The following INTS4 variants were observed in gnomAD, a reference collection of about 807,000 sequenced individuals.
INTS4 encodes the protein MSTP093.
INTS4 carries 70 observed loss-of-function variants against 119.5 expected under a neutral mutation model. That is an observed-to-expected ratio of 0.59 (90% CI 0.48 to 0.71). The LOEUF (loss-of-function observed/expected upper bound fraction) is 0.71. Among genes scored for constraint, INTS4 ranks in the 30% least tolerant of loss-of-function variants. INTS4 has a pLI of 0.00. For synonymous variants in INTS4, 316 were observed against 419.6 expected (o/e 0.75, Z 3.02); for missense variants, 867 against 1,173.2 (o/e 0.74, Z 3.81).
At chr11:77,896,667 AAAG>A (rs1485258177) in intron 18 of INTS4, among the ~76,000 whole-genome samples, 10 of 151,872 alleles carry the variant, frequency 6.6e-5, no homozygotes, top group Admixed American at 2.0e-4. Context: ...AAAAAAAAAA[AAAG>A]AATTTACTCA....
chr11:77,960,365 T>C lies in INTS4; in HGVS notation c.684A>G (p.Lys228=). 1 of 1,603,342 alleles carries C rather than the reference T, an allele frequency of 6.2e-7. No individual in the cohort carries two copies. The highest frequency in any genetic ancestry group is 1.1e-5 in the South Asian group (1 of 90,284). ...AMLQLHERGL[K]LHQTIYNQAC... ...CCTGATTATAAATTGTTTGGTGTAA[T>C]TTCAGTCCTCTTTCATGGAGCTGCA... is the stretch of plus-strand genomic sequence containing the variant. Residue 228 remains lysine (K), a synonymous_variant, in exon 6 of 23, where the codon AAA becomes AAG. Coordinates refer to ENST00000534064, the MANE Select transcript of INTS4 (RefSeq NM_033547.4).
intron 9 of INTS4, among the ~76,000 whole-genome samples, chr11:77,940,244 C>T (rs900523446): frequency 4.6e-5 from 7 of 151,958 alleles, no homozygotes; most frequent in African/African-American, 1.7e-4. Context: ...ACATGAGGAA[C>T]ACAGCAAGAC....
At chr11:77,994,185 G>T (rs954481465) in intron 1 of INTS4, among the ~76,000 whole-genome samples, 4 of 151,552 alleles carry the variant, frequency 2.6e-5, no homozygotes, top group Non-Finnish European at 2.9e-5. Flanking sequence ...TTTTTTTTTG[G>T]AACGGGGGTG....
intron 8 of INTS4, among the ~76,000 whole-genome samples, chr11:77,947,524 C>A (rs1228864317): frequency 6.6e-6 from 1 of 152,138 alleles, no homozygotes; most frequent in African/African-American, 2.4e-5. Flanking sequence ...CAGCTAGAAA[C>A]AAAAGGACAA....
rs1176342890 is a variant in INTS4 at position 77,991,234 on chromosome 11, G to A, written c.120C>T (p.His40=). The A allele has an allele frequency of 6.2e-7, 1 of 1,614,172 alleles. No homozygotes were observed. Among genetic ancestry groups the A allele is most frequent in the South Asian group, 1.1e-5 (1 of 91,082 alleles). The change falls in exon 2 of 23, where the codon CAC becomes CAT. Residue 40 remains histidine (H), a synonymous_variant. Transcript: ENST00000534064. The part of the protein sequence containing the change: ...LTKPSKSAAL[H]IDLCKATSPA... ...GGGAGGTAGCTTTACACAGATCTAT[G>A]TGGAGTGCTGCAGATTTACTTGGTT...
At chr11:77,947,871 T>C (rs1954085610) in intron 8 of INTS4, among the ~76,000 whole-genome samples, 1 of 152,056 alleles carries the variant, frequency 6.6e-6, no homozygotes, top group Admixed American at 6.6e-5. Flanking sequence ...CTTGAGACAG[T>C]CTTACTCTGA....
Position 77,924,988 on chromosome 11 carries a change from A to T in INTS4, c.1372-96T>A, listed in dbSNP as rs1953461567. On this transcript the variant is annotated intron_variant, in intron 11 of 22. Coordinates refer to ENST00000534064, the MANE Select transcript of INTS4 (RefSeq NM_033547.4). ...CTTCTACCCAGCCACCTTCCCATCTAGGGTGGCCATGTAACAAAGTATGTG... is the reference window on the plus strand; with the variant it reads ...CTTCTACCCAGCCACCTTCCCATCTTGGGTGGCCATGTAACAAAGTATGTG... The T allele has an allele frequency of 9.1e-6, 8 of 883,012 alleles. No individual in the cohort carries two copies. The South Asian group carries it at 1.7e-4, about 19-fold the overall frequency. The allele number at this position is 883,012 out of a possible 1,614,324, so 54.7% of individuals were successfully genotyped here.
chr11:77,963,316 T>G, intron 4 of INTS4: 1 of 358,402 alleles, frequency 2.8e-6, no homozygotes, highest in South Asian at 2.0e-5. Context: ...CATTAAGAAC[T>G]GCTTTTCTGG....
Position 77,922,420 on chromosome 11 carries a change from C to T in INTS4, c.1566G>A (p.Val522=), listed in dbSNP as rs1953386317. 1 of 1,507,136 alleles carries T rather than the reference C, an allele frequency of 6.6e-7. No individual in the cohort carries two copies. The highest frequency in any genetic ancestry group is 8.9e-7 in the Non-Finnish European group (1 of 1,126,850). The allele number at this position is 1,507,136 out of a possible 1,614,324, so 93.4% of individuals were successfully genotyped here. A position where few individuals can be genotyped will look rare whatever the true frequency, so the allele number is the denominator to read the frequency against. The part of the protein sequence containing the change: ...SRHPTLVLPL[V]PELLSTHPFF... ...ATGGGTGGGTGCTCAGAAGCTCTGG[C>T]ACCAAGGGAAGCACCAGGGTTGGAT... Residue 522 remains valine, a synonymous_variant, in exon 13 of 23, where the codon GTG becomes GTA. Transcript: ENST00000534064.
At chr11:77,989,825 G>A (rs1196979736) in intron 2 of INTS4, among the ~76,000 whole-genome samples, 1 of 152,112 alleles carries the variant, frequency 6.6e-6, no homozygotes, top group South Asian at 2.1e-4. Flanking sequence ...ATTGAGCCTC[G>A]GAGGTCGAGG....
intron 12 of INTS4, among the ~76,000 whole-genome samples, chr11:77,923,127 G>A (rs1277175509): frequency 3.3e-5 from 5 of 152,026 alleles, no homozygotes; most frequent in African/African-American, 1.2e-4. Flanking sequence ...AGACCATCCT[G>A]GCCAACATGG....
At chr11:77,986,734 A>T (rs1358850326) in intron 2 of INTS4, among the ~76,000 whole-genome samples, 1 of 152,024 alleles carries the variant, frequency 6.6e-6, no homozygotes, top group Non-Finnish European at 1.5e-5. Flanking sequence ...AACTATCACA[A>T]GGACAGAAAA....
At chr11:77,929,033 A>AC (rs971358358) in intron 10 of INTS4, among the ~76,000 whole-genome samples, 1 of 150,586 alleles carries the variant, frequency 6.6e-6, no homozygotes, top group African/African-American at 2.4e-5. Flanking sequence ...AAAAAAAAAA[A>AC]CTCCAAAAAC....
At chr11:77,928,319 A>G (rs1953560503) in intron 11 of INTS4, 23 bp downstream of exon 11, 1 of 1,611,718 alleles carries the variant, frequency 6.2e-7, no homozygotes, top group African/African-American at 1.3e-5. Context: ...TGAAGAAATG[A>G]GTAACAAATT....
intron 3 of INTS4, among the ~76,000 whole-genome samples, chr11:77,979,689 A>C (rs998258172): frequency 1.3e-5 from 2 of 151,712 alleles, no homozygotes; most frequent in African/African-American, 4.8e-5. Context: ...AGAAAAAAAA[A>C]AAAAAGGCCA....
intron 14 of INTS4, among the ~76,000 whole-genome samples, chr11:77,919,355 C>T (rs920770499): frequency 1.3e-5 from 2 of 151,792 alleles, no homozygotes; most frequent in African/African-American, 4.8e-5. Context: ...GGTACCATCT[C>T]GGCTCACTGC....
At chr11:77,971,370 G>A (rs1395223976) in intron 4 of INTS4, among the ~76,000 whole-genome samples, 1 of 151,958 alleles carries the variant, frequency 6.6e-6, no homozygotes, top group Non-Finnish European at 1.5e-5. Context: ...ATTACCAGCT[G>A]GGCGAAGTGG....
At chr11:77,905,598 A>C (rs1172518645) in intron 16 of INTS4, among the ~76,000 whole-genome samples, 1 of 152,210 alleles carries the variant, frequency 6.6e-6, no homozygotes, top group Admixed American at 6.5e-5. Context: ...AAAATGTTGA[A>C]ACTTCCTCGA....
intron 8 of INTS4, among the ~76,000 whole-genome samples, chr11:77,942,774 TCTAATTC>T (rs977289767): frequency 3.3e-5 from 5 of 152,204 alleles, no homozygotes; most frequent in Admixed American, 1.3e-4. Context: ...TGAGATCTTC[TCTAATTC>T]CTAAGTTAAT....
Sources: gnomAD v4.1 joint callset for allele counts (sites outside exome capture counted in the v4.1 genomes callset) on GRCh38, gnomAD v4.1.1 for gene constraint, MANE v1.5 for transcripts, NCBI Gene and HGNC (gene_info 2026-07-23, HGNC 2026-07-21) for gene names.